Variants in SOX5 observed in about 807,000 individuals in gnomAD.
SOX5 encodes the protein SRY-box transcription factor 5.
A neutral mutation model predicts 92.0 loss-of-function variants in SOX5; 9 were observed. That is an observed-to-expected ratio of 0.10 (90% CI 0.06 to 0.17). SOX5 has a LOEUF of 0.17. Among genes scored for constraint, SOX5 ranks in the 10% least tolerant of loss-of-function variants. The pLI is 1.00. For synonymous variants in SOX5, 344 were observed against 336.3 expected (o/e 1.02, Z -0.25); for missense variants, 642 against 944.5 (o/e 0.68, Z 4.20).
At chr12:24,064,217 G>T (rs190921303) in intron 4 of SOX5, among the ~76,000 whole-genome samples, 32 of 152,322 alleles carry the variant, frequency 2.1e-4, no homozygotes, top group African/African-American at 7.5e-4. Flanking sequence ...CAACACTGGT[G>T]CTCTTCAAAG....
intron 2 of SOX5, among the ~76,000 whole-genome samples, chr12:24,291,658 C>A (rs938269466): frequency 6.6e-6 from 1 of 152,188 alleles, no homozygotes; most frequent in Non-Finnish European, 1.5e-5. Context: ...TTCTAAGTTA[C>A]TAATATAGTA....
chr12:23,771,937 T>A (rs1379093518), intron 3 of SOX5, among the ~76,000 whole-genome samples: 1 of 152,192 alleles, frequency 6.6e-6, no homozygotes. Context: ...CAGTTCAGAC[T>A]AGCACCCAAA....
intron 3 of SOX5, among the ~76,000 whole-genome samples, chr12:23,819,435 T>G (rs369855982): frequency 7.2e-5 from 11 of 152,336 alleles, no homozygotes; most frequent in African/African-American, 2.6e-4. Flanking sequence ...CAAATTTATT[T>G]TTTTTATTCT....
chr12:23,935,948 C>T (rs574891823), intron 1 of SOX5, among the ~76,000 whole-genome samples: 2 of 151,018 alleles, frequency 1.3e-5, no homozygotes, highest in African/African-American at 2.4e-5. Flanking sequence ...CGAGTTTGTA[C>T]CCCAGCTTTT....
chr12:24,435,657 C>T (rs962057243), intron 1 of SOX5, among the ~76,000 whole-genome samples: 11 of 152,256 alleles, frequency 7.2e-5, no homozygotes, highest in African/African-American at 2.4e-4. Flanking sequence ...TAAAATTAAA[C>T]AACTTGACAA....
chr12:23,638,770 T>C (rs1411012040), intron 8 of SOX5, among the ~76,000 whole-genome samples: 1 of 152,026 alleles, frequency 6.6e-6, no homozygotes, highest in East Asian at 1.9e-4. Context: ...GAAAAGTGAG[T>C]TGGTGTAAGC....
intron 3 of SOX5, among the ~76,000 whole-genome samples, chr12:23,763,738 C>T (rs1347440832): frequency 6.6e-6 from 1 of 151,932 alleles, no homozygotes; most frequent in East Asian, 1.9e-4. Flanking sequence ...GCTTTTAAGC[C>T]AGTGCTGTTG....
intron 3 of SOX5, among the ~76,000 whole-genome samples, chr12:23,811,192 T>C (rs2095869932): frequency 6.6e-6 from 1 of 152,058 alleles, no homozygotes; most frequent in Admixed American, 6.6e-5. Flanking sequence ...AGGATTAGGC[T>C]CTAAATTAAC....
At chr12:24,054,198 A>G (rs1592716587) in intron 4 of SOX5, among the ~76,000 whole-genome samples, 1 of 152,238 alleles carries the variant, frequency 6.6e-6, no homozygotes, top group East Asian at 1.9e-4. Flanking sequence ...TTCCATAGAA[A>G]TCTTAACGAG....
intron 1 of SOX5, among the ~76,000 whole-genome samples, chr12:24,445,150 GTCATT>G (rs1459501960): frequency 6.6e-6 from 1 of 152,112 alleles, no homozygotes; most frequent in Non-Finnish European, 1.5e-5. Context: ...AAAACAATAA[GTCATT>G]TCAAGTTAAA....
chr12:24,122,479 T>C (rs564490864), intron 4 of SOX5, among the ~76,000 whole-genome samples: 2 of 152,306 alleles, frequency 1.3e-5, no homozygotes, highest in Admixed American at 6.5e-5. Flanking sequence ...CAAACTGCCA[T>C]CACAGATTAA....
At chr12:24,223,704 A>G (rs1961099086) in intron 3 of SOX5, among the ~76,000 whole-genome samples, 1 of 152,164 alleles carries the variant, frequency 6.6e-6, no homozygotes, top group Admixed American at 6.6e-5. Context: ...GCAGTGAGCT[A>G]TGATCACACC....
chr12:24,086,564 A>T (rs1273012824), intron 4 of SOX5, among the ~76,000 whole-genome samples: 1 of 151,954 alleles, frequency 6.6e-6, no homozygotes, highest in Non-Finnish European at 1.5e-5. Flanking sequence ...ACACTCATGA[A>T]GCTAGTCAGA....
intron 3 of SOX5, among the ~76,000 whole-genome samples, chr12:23,809,329 C>A (rs1486015171): frequency 6.6e-6 from 1 of 151,892 alleles, no homozygotes. Flanking sequence ...TCACTGAGTA[C>A]CTTGTGCATA....
At chr12:24,458,153 T>G (rs535667128) in intron 1 of SOX5, among the ~76,000 whole-genome samples, 1 of 152,278 alleles carries the variant, frequency 6.6e-6, no homozygotes, top group African/African-American at 2.4e-5. Context: ...GGCGCCTCAG[T>G]GTCTGTTTTT....
At chr12:23,883,653 T>G (rs565146204) in intron 2 of SOX5, among the ~76,000 whole-genome samples, 3 of 152,224 alleles carry the variant, frequency 2.0e-5, no homozygotes, top group South Asian at 2.1e-4. Flanking sequence ...ATCACACACA[T>G]TGCATGATTT....
chr12:23,631,907 C>G (rs1421244677), intron 8 of SOX5, among the ~76,000 whole-genome samples: 1 of 152,052 alleles, frequency 6.6e-6, no homozygotes, highest in African/African-American at 2.4e-5. Context: ...CCCAGGAACT[C>G]TAGGGGTGGT....
chr12:23,545,839 C>T (rs187426447), intron 12 of SOX5, among the ~76,000 whole-genome samples: 65 of 151,294 alleles, frequency 4.3e-4, no homozygotes, highest in African/African-American at 1.5e-3. Context: ...GAGTTTGAGA[C>T]CAGCCTGGAC....
chr12:24,272,536 C>T (rs1053200131), intron 3 of SOX5, among the ~76,000 whole-genome samples: 1 of 152,082 alleles, frequency 6.6e-6, no homozygotes, highest in African/African-American at 2.4e-5. Context: ...GGAAGTTCCT[C>T]CCTGCTTTTA....
Sources: gnomAD v4.1 joint callset for allele counts (sites outside exome capture counted in the v4.1 genomes callset) on GRCh38, gnomAD v4.1.1 for gene constraint, MANE v1.5 for transcripts, NCBI Gene and HGNC (gene_info 2026-07-23, HGNC 2026-07-21) for gene names.